Variants in ANK2 observed in about 807,000 individuals in gnomAD.
ANK2 encodes ankyrin 2, also known as ankyrin-2.
Under a neutral mutation model 360.5 loss-of-function variants are expected in ANK2, and 83 were observed. The observed-to-expected ratio is 0.23, with a 90% CI of 0.19 to 0.28. The LOEUF (loss-of-function observed/expected upper bound fraction) is 0.28, where lower values mean the gene tolerates loss of function less well. Among genes scored for constraint, ANK2 ranks in the 10% least tolerant of loss-of-function variants. The pLI, the probability that ANK2 is intolerant of heterozygous loss-of-function variation, is 1.00. For missense variants in ANK2, 4,201 were observed against 4,795.7 expected (o/e 0.88, Z 3.66); for synonymous variants, 1,740 against 1,759.5 (o/e 0.99, Z 0.28).
Position 113,353,990 on chromosome 4 carries a change from T to G in ANK2, c.5372T>G (p.Val1791Gly). 1 of 1,613,776 alleles carries G rather than the reference T, an allele frequency of 6.2e-7. No homozygotes were observed. The highest frequency in any genetic ancestry group is 8.5e-7 in the Non-Finnish European group (1 of 1,179,910). ...GGTCGAAGCAAGTTGCCCATCAGAG[T>G]CAAAGGCAAGGAGGACGTGCCAAAA... ...QKGRSKLPIR[V>G]KGKEDVPKKT... Residue 1791 changes from valine (V) to glycine (G), a missense_variant, in exon 38 of 46, where the codon GTC (valine) becomes GGC (glycine). Physicochemically the swap from Val to Gly is moderately radical, Grantham distance 109. Transcript: ENST00000357077.
intron 2 of ANK2, among the ~76,000 whole-genome samples, chr4:113,189,196 T>C (rs1359782716): frequency 6.6e-6 from 1 of 152,152 alleles, no homozygotes; most frequent in Non-Finnish European, 1.5e-5. Flanking sequence ...CTGAAATTGA[T>C]ACCAAACACC....
At chr4:112,763,678 C>T in the ANK2 span, among the ~76,000 whole-genome samples, 1 of 151,712 alleles carries the variant, frequency 6.6e-6, no homozygotes, top group African/African-American at 2.4e-5. Context: ...ACTACAGGCG[C>T]CCGCCACGGG....
chr4:113,341,621 G>A, intron 32 of ANK2, 67 bp from the exon 33 acceptor site: 1 of 1,513,990 alleles, frequency 6.6e-7, no homozygotes, highest in Non-Finnish European at 9.2e-7. Flanking sequence ...CATATTGAAG[G>A]AACTGATTTT....
intron 37 of ANK2, among the ~76,000 whole-genome samples, chr4:113,352,720 CTTTGT>C (rs2095493241): frequency 6.7e-6 from 1 of 149,984 alleles, no homozygotes; most frequent in African/African-American, 2.5e-5. Context: ...TCACTGCGTT[CTTTGT>C]TTTGATATGT....
chr4:113,250,698 G>T (rs1462524454), intron 10 of ANK2, among the ~76,000 whole-genome samples: 1 of 144,266 alleles, frequency 6.9e-6, no homozygotes, highest in Non-Finnish European at 1.5e-5. Flanking sequence ...ACAACACAAA[G>T]TTAGACAAAG....
At chr4:112,788,218 G>C in the ANK2 span, 1 of 1,590,318 alleles carries the variant, frequency 6.3e-7, no homozygotes, top group East Asian at 2.2e-5. Flanking sequence ...AATTGGTCCT[G>C]ATAGCTTCCA....
At chr4:113,349,224 C>T (rs1158310409) in intron 36 of ANK2, among the ~76,000 whole-genome samples, 4 of 151,700 alleles carry the variant, frequency 2.6e-5, no homozygotes, top group Admixed American at 1.3e-4. Flanking sequence ...TGTTTGTCTC[C>T]GTTATAAAGA....
At chr4:112,783,892 GA>G in the ANK2 span, among the ~76,000 whole-genome samples, 1 of 151,852 alleles carries the variant, frequency 6.6e-6, no homozygotes, top group East Asian at 1.9e-4. Context: ...CTCGTGATCC[GA>G]CCACCTCAGC....
In ANK2 at chr4:113,241,493, A is replaced by G. The variant is rs984984736; in HGVS notation, c.793-618A>G. ...GCTAGGACTACAGGAACACACTACC[A>G]TGCCTGGCTAATTTTTTAAAATTTT... On this transcript the variant is annotated intron_variant, in intron 8 of 45. Transcript: ENST00000357077. Among the ~76,000 whole-genome samples, 12 of 152,216 alleles carry G rather than the reference A, an allele frequency of 7.9e-5. No individual in the cohort carries two copies. The East Asian group carries it at 1.5e-3, about 20-fold the overall frequency.
At chr4:113,055,830 A>G (rs1277080257) in intron 1 of ANK2, among the ~76,000 whole-genome samples, 2 of 152,132 alleles carry the variant, frequency 1.3e-5, no homozygotes, top group African/African-American at 4.8e-5. Context: ...AACCAGGTGT[A>G]AGGTAGTCTT....
intron 2 of ANK2, among the ~76,000 whole-genome samples, chr4:112,990,300 C>T (rs983375803): frequency 1.3e-5 from 2 of 152,028 alleles, no homozygotes; most frequent in South Asian, 4.2e-4. Flanking sequence ...ATAATGCAGG[C>T]ATTGAGCTAA....
intron 17 of ANK2, among the ~76,000 whole-genome samples, chr4:113,281,098 T>C (rs2062141416): frequency 6.6e-6 from 1 of 152,190 alleles, no homozygotes; most frequent in African/African-American, 2.4e-5. Flanking sequence ...TTATTCTTGC[T>C]TGGAGAAATG....
At chr4:112,867,718 T>C (rs557062634) in intron 1 of ANK2, among the ~76,000 whole-genome samples, 1 of 152,220 alleles carries the variant, frequency 6.6e-6, no homozygotes, top group South Asian at 2.1e-4. Context: ...TTTATCCATG[T>C]TGTCATGTAT....
intron 4 of ANK2, among the ~76,000 whole-genome samples, chr4:113,220,088 A>G (rs117900159): frequency 0.028 from 4,251 of 152,192 alleles, 98 homozygotes; most frequent in East Asian, 0.068. Context: ...GTTTATCCTC[A>G]CCTGGCTTTC....
chr4:113,179,571 T>G (rs560294746), intron 2 of ANK2, among the ~76,000 whole-genome samples: 1 of 152,228 alleles, frequency 6.6e-6, no homozygotes, highest in Non-Finnish European at 1.5e-5. Flanking sequence ...AAATGATTAC[T>G]AATATGGTTA....
At chr4:113,082,301 G>GT (rs796202046) in intron 1 of ANK2, among the ~76,000 whole-genome samples, 25 of 151,788 alleles carry the variant, frequency 1.6e-4, no homozygotes, top group South Asian at 4.2e-4. Flanking sequence ...TTTCAAACTT[G>GT]TTTTTTTTCC....
At chr4:112,802,336 T>A in the ANK2 span, among the ~76,000 whole-genome samples, 1 of 152,178 alleles carries the variant, frequency 6.6e-6, no homozygotes, top group South Asian at 2.1e-4. Context: ...TCCTGTGGAA[T>A]TGGATCCAAA....
chr4:113,177,716 T>C (rs2098270646), intron 2 of ANK2, among the ~76,000 whole-genome samples: 1 of 152,152 alleles, frequency 6.6e-6, no homozygotes, highest in African/African-American at 2.4e-5. Context: ...TGGCCAGCCA[T>C]CCACTAACAT....
intron 1 of ANK2, among the ~76,000 whole-genome samples, chr4:112,899,768 CATG>C (rs916685944): frequency 1.1e-4 from 16 of 152,198 alleles, no homozygotes; most frequent in African/African-American, 3.9e-4. Flanking sequence ...ATCTGCACAC[CATG>C]ATGACTCTGG....
Sources: allele counts gnomAD v4.1 joint callset (sites outside exome capture counted in the v4.1 genomes callset), GRCh38; gene constraint gnomAD v4.1.1; transcripts MANE v1.5; gene names NCBI Gene and HGNC (gene_info 2026-07-23, HGNC 2026-07-21).